PXDNL: variants seen among roughly 807,000 people sequenced by gnomAD.
PXDNL encodes the protein probable oxidoreductase PXDNL.
A neutral mutation model predicts 150.8 loss-of-function variants in PXDNL; 145 were observed. That is an observed-to-expected ratio of 0.96 (90% CI 0.84 to 1.10). The LOEUF is 1.10. Among genes scored for constraint, PXDNL ranks in the 50% least tolerant of loss-of-function variants. The pLI is 0.00. For synonymous variants in PXDNL, 757 were observed against 725.7 expected, an observed-to-expected ratio of 1.04 and a Z score of -0.69; for missense variants, 2,087 against 1,873.9, an observed-to-expected ratio of 1.11 and a Z score of -2.10.
chr8:51,555,663 G>T (rs1812583908), intron 4 of PXDNL, among the ~76,000 whole-genome samples: 1 of 152,082 alleles, frequency 6.6e-6, no homozygotes, highest in Non-Finnish European at 1.5e-5. Context: ...CTGATATACA[G>T]AAATCCTGCC....
chr8:51,768,145 G>A (rs1308533866), intron 1 of PXDNL, among the ~76,000 whole-genome samples: 6 of 152,098 alleles, frequency 3.9e-5, no homozygotes, highest in South Asian at 2.1e-4. Context: ...CAAAGCTCAC[G>A]ATTCTTACTG....
At chr8:51,358,395 C>G (rs1806587951) in intron 19 of PXDNL, among the ~76,000 whole-genome samples, 1 of 152,166 alleles carries the variant, frequency 6.6e-6, no homozygotes, top group South Asian at 2.1e-4. Flanking sequence ...AACTGAATTC[C>G]AGGTCACCCC....
At chr8:51,797,806 CA>C (rs1169449187) in intron 1 of PXDNL, among the ~76,000 whole-genome samples, 6 of 152,076 alleles carry the variant, frequency 3.9e-5, no homozygotes, top group African/African-American at 1.4e-4. Flanking sequence ...ACATTCTTCA[CA>C]GAGTTAGAAA....
chr8:51,337,950 G>A (rs895922682), intron 21 of PXDNL, among the ~76,000 whole-genome samples: 6 of 137,072 alleles, frequency 4.4e-5, no homozygotes, highest in Admixed American at 7.3e-5. Flanking sequence ...AGGTCGAAGC[G>A]GGCAGATGAC....
chr8:51,522,005 C>T (rs570320339), intron 4 of PXDNL, among the ~76,000 whole-genome samples: 39 of 152,122 alleles, frequency 2.6e-4, no homozygotes, highest in African/African-American at 9.4e-4. Flanking sequence ...AAAATTCTTC[C>T]GGCAGAAAGA....
intron 5 of PXDNL, among the ~76,000 whole-genome samples, chr8:51,488,676 A>T (rs1228682232): frequency 6.6e-6 from 1 of 152,240 alleles, no homozygotes; most frequent in African/African-American, 2.4e-5. Context: ...ACCAAAGGGA[A>T]AATTTTGTAA....
At chr8:51,738,643 G>A (rs199880626) in intron 1 of PXDNL, among the ~76,000 whole-genome samples, 1 of 150,062 alleles carries the variant, frequency 6.7e-6, no homozygotes, top group Non-Finnish European at 1.5e-5. Flanking sequence ...AAAAAAAAAG[G>A]AAAACTTCCT....
At chr8:51,778,067 TG>T (rs1331617697) in intron 1 of PXDNL, among the ~76,000 whole-genome samples, 1 of 152,008 alleles carries the variant, frequency 6.6e-6, no homozygotes, top group Non-Finnish European at 1.5e-5. Context: ...CCGGGTGTGG[TG>T]GCTCACGCCT....
chr8:51,576,796 C>T (rs751728819), intron 3 of PXDNL, among the ~76,000 whole-genome samples: 24 of 151,276 alleles, frequency 1.6e-4, no homozygotes, highest in Non-Finnish European at 2.8e-4. Flanking sequence ...AGAGAGAAAA[C>T]ACAAATACCA....
At chr8:51,441,250 T>C (rs1442140519) in intron 12 of PXDNL, among the ~76,000 whole-genome samples, 1 of 152,186 alleles carries the variant, frequency 6.6e-6, no homozygotes, top group Non-Finnish European at 1.5e-5. Context: ...TCCCCAGCCA[T>C]ACAGAACTGT....
chr8:51,696,373 G>A (rs545170045), intron 1 of PXDNL, among the ~76,000 whole-genome samples: 25 of 152,316 alleles, frequency 1.6e-4, no homozygotes, highest in African/African-American at 3.4e-4. Context: ...GAAGGCGGCC[G>A]TCTGCAAGCC....
intron 6 of PXDNL, among the ~76,000 whole-genome samples, chr8:51,481,039 T>C (rs1230862628): frequency 7.2e-5 from 11 of 152,190 alleles, no homozygotes; most frequent in Admixed American, 7.2e-4. Context: ...AACAGGCAGA[T>C]GTTGGAACAG....
At chr8:51,670,890 C>T (rs1815485897) in intron 1 of PXDNL, among the ~76,000 whole-genome samples, 1 of 152,186 alleles carries the variant, frequency 6.6e-6, no homozygotes, top group East Asian at 1.9e-4. Flanking sequence ...CACCATTAGT[C>T]TGTATTAGCT....
At chr8:51,666,407 T>C (rs1013794270) in intron 1 of PXDNL, among the ~76,000 whole-genome samples, 14 of 152,154 alleles carry the variant, frequency 9.2e-5, no homozygotes. Flanking sequence ...AGAAAGTATA[T>C]GCATGAGGAA....
chr8:51,448,551 A>C (rs1809732486), intron 11 of PXDNL, among the ~76,000 whole-genome samples: 1 of 151,926 alleles, frequency 6.6e-6, no homozygotes, highest in Admixed American at 6.6e-5. Context: ...AAAAATACAG[A>C]AAAAGTAGCC....
chr8:51,528,653 G>C (rs2130418972), intron 4 of PXDNL, among the ~76,000 whole-genome samples: 1 of 152,292 alleles, frequency 6.6e-6, no homozygotes, highest in African/African-American at 2.4e-5. Flanking sequence ...GTTCTTAAAA[G>C]TGGAAAAGGG....
intron 4 of PXDNL, among the ~76,000 whole-genome samples, chr8:51,548,498 A>G (rs937733958): frequency 1.3e-5 from 2 of 152,250 alleles, no homozygotes; most frequent in African/African-American, 4.8e-5. Flanking sequence ...ATTTTTCAGC[A>G]GAAACCTTAC....
intron 12 of PXDNL, among the ~76,000 whole-genome samples, chr8:51,437,552 G>A (rs1186286278): frequency 1.3e-5 from 2 of 152,148 alleles, no homozygotes; most frequent in African/African-American, 4.8e-5. Context: ...ATCAATAAGT[G>A]TGATACACCA....
intron 17 of PXDNL, among the ~76,000 whole-genome samples, chr8:51,386,595 A>G (rs1007058708): frequency 6.6e-6 from 1 of 152,058 alleles, no homozygotes; most frequent in Admixed American, 6.6e-5. Flanking sequence ...AGAAATAGAT[A>G]ATATATATAT....
Sources: gnomAD v4.1 joint callset for allele counts (sites outside exome capture counted in the v4.1 genomes callset) on GRCh38, gnomAD v4.1.1 for gene constraint, MANE v1.5 for transcripts, NCBI Gene and HGNC (gene_info 2026-07-23, HGNC 2026-07-21) for gene names.